Variants in MIR2052HG observed in about 807,000 individuals in gnomAD.
MIR2052HG encodes the protein MIR2052 host gene.
chr8:74,692,605 A>G (rs558764064), intron 2 of MIR2052HG, among the ~76,000 whole-genome samples: 1 of 152,348 alleles, frequency 6.6e-6, no homozygotes, highest in East Asian at 1.9e-4. Context: ...ACATTTTCCC[A>G]GGCCATTTCT....
chr8:74,640,538 A>T (rs1186489901), intron 2 of MIR2052HG, among the ~76,000 whole-genome samples: 1 of 151,946 alleles, frequency 6.6e-6, no homozygotes, highest in Admixed American at 6.6e-5. Flanking sequence ...TTCTGAAAGC[A>T]ATTCAAAGAG....
chr8:74,682,887 G>A (rs1809140828), intron 2 of MIR2052HG, among the ~76,000 whole-genome samples: 1 of 152,082 alleles, frequency 6.6e-6, no homozygotes, highest in Non-Finnish European at 1.5e-5. Flanking sequence ...AATACATTTT[G>A]AAATTATGGT....
At chr8:74,608,313 G>A (rs1808142661) in intron 1 of MIR2052HG, among the ~76,000 whole-genome samples, 1 of 152,040 alleles carries the variant, frequency 6.6e-6, no homozygotes, top group South Asian at 2.1e-4. Context: ...TAGGGAATGG[G>A]GGAAATGGAG....
At chr8:74,674,839 A>G (rs1809033754) in intron 2 of MIR2052HG, among the ~76,000 whole-genome samples, 1 of 151,898 alleles carries the variant, frequency 6.6e-6, no homozygotes, top group South Asian at 2.1e-4. Flanking sequence ...TACATACTAT[A>G]TGTTATATAT....
At chr8:74,675,849 C>A (rs1205387027) in intron 2 of MIR2052HG, among the ~76,000 whole-genome samples, 5 of 151,924 alleles carry the variant, frequency 3.3e-5, no homozygotes, top group African/African-American at 1.2e-4. Context: ...CCTACATGCG[C>A]AATCCGTCCT....
chr8:74,617,287 G>A lies in MIR2052HG; in HGVS notation n.216+4347G>A, dbSNP rs141867822. On this transcript the variant is annotated intron_variant and non_coding_transcript_variant, in intron 2 of 6. Coordinates refer to ENST00000523442, the Ensembl canonical transcript of MIR2052HG. Reference sequence around the variant, plus strand: ...TCTCCAGTATTTATTATTCTGCTCCGTATGTCCATGTGTGCCCATCATTTA... The same window carrying A: ...TCTCCAGTATTTATTATTCTGCTCCATATGTCCATGTGTGCCCATCATTTA... 8.2e-3 allele frequency among the ~76,000 whole-genome samples: 1,252 copies of A among 151,930 alleles called. 21 individuals are homozygous for A. The highest frequency in any genetic ancestry group is 0.035 in the Admixed American group (530 of 15,242).
chr8:74,677,261 TCTTTC>T (rs1159091128), intron 2 of MIR2052HG, among the ~76,000 whole-genome samples: 1 of 152,024 alleles, frequency 6.6e-6, no homozygotes, highest in African/African-American at 2.4e-5. Context: ...TTAATACACC[TCTTTC>T]CTTTCAAAGG....
chr8:74,676,407 G>A (rs552511490), intron 2 of MIR2052HG, among the ~76,000 whole-genome samples: 1 of 151,860 alleles, frequency 6.6e-6, no homozygotes, highest in Admixed American at 6.6e-5. Flanking sequence ...TTGCTCAGGA[G>A]GAAAATTGCA....
At chr8:74,732,095 A>G (rs1809698420) in intron 4 of MIR2052HG, among the ~76,000 whole-genome samples, 1 of 152,182 alleles carries the variant, frequency 6.6e-6, no homozygotes, top group South Asian at 2.1e-4. Context: ...CTGCATCTGT[A>G]GCTTCAACCA....
At chr8:74,680,022 C>T (rs777237622) in intron 2 of MIR2052HG, among the ~76,000 whole-genome samples, 7 of 152,066 alleles carry the variant, frequency 4.6e-5, no homozygotes, top group South Asian at 2.1e-4. Flanking sequence ...TCATTATTCA[C>T]GGATCATATT....
At chr8:74,677,842 A>G (rs1221509072) in intron 2 of MIR2052HG, among the ~76,000 whole-genome samples, 1 of 152,158 alleles carries the variant, frequency 6.6e-6, no homozygotes, top group Non-Finnish European at 1.5e-5. Flanking sequence ...AAATTTATAA[A>G]CTAGCAAGGG....
chr8:74,603,635 G>A, intron 1 of MIR2052HG: 1 of 1,355,504 alleles, frequency 7.4e-7, no homozygotes, highest in Non-Finnish European at 1.1e-6. Flanking sequence ...TCTGGCTGTG[G>A]AATGGCAAAC....
At chr8:74,745,581 C>G (rs1281684523) in intron 4 of MIR2052HG, among the ~76,000 whole-genome samples, 1 of 151,262 alleles carries the variant, frequency 6.6e-6, no homozygotes, top group African/African-American at 2.4e-5. Flanking sequence ...TTTTTTTTCA[C>G]TGTAAATAGG....
chr8:74,605,175 T>G (rs1808093387), intron 1 of MIR2052HG, among the ~76,000 whole-genome samples: 1 of 152,186 alleles, frequency 6.6e-6, no homozygotes, highest in Non-Finnish European at 1.5e-5. Context: ...TCATCAAAGA[T>G]GCAGAGTCTG....
At chr8:74,711,413 G>T (rs1563537364) in intron 4 of MIR2052HG, among the ~76,000 whole-genome samples, 1 of 152,164 alleles carries the variant, frequency 6.6e-6, no homozygotes, top group African/African-American at 2.4e-5. Flanking sequence ...CTGAATGAAT[G>T]AATAGAATTT....
At chr8:74,755,473 A>G (rs1809989776) in intron 5 of MIR2052HG, among the ~76,000 whole-genome samples, 1 of 152,258 alleles carries the variant, frequency 6.6e-6, no homozygotes, top group Non-Finnish European at 1.5e-5. Context: ...TTTGGTAATG[A>G]GCCAGCAGGC....
intron 2 of MIR2052HG, among the ~76,000 whole-genome samples, chr8:74,657,339 A>G (rs1265886036): frequency 6.6e-6 from 1 of 152,202 alleles, no homozygotes; most frequent in African/African-American, 2.4e-5. Context: ...GTTTATTACA[A>G]TAAACCACTT....
chr8:74,689,423 T>C (rs551828868), intron 2 of MIR2052HG, among the ~76,000 whole-genome samples: 1 of 152,360 alleles, frequency 6.6e-6, no homozygotes, highest in East Asian at 1.9e-4. Flanking sequence ...TGTAAGTCCT[T>C]TCATTTCAGA....
chr8:74,606,035 T>TG (rs1040903825), intron 1 of MIR2052HG, among the ~76,000 whole-genome samples: 1 of 151,188 alleles, frequency 6.6e-6, no homozygotes, highest in African/African-American at 2.4e-5. Flanking sequence ...AAAGGGGAGG[T>TG]GGGGGGTCTA....
Sources: gnomAD v4.1 joint callset for allele counts (sites outside exome capture counted in the v4.1 genomes callset) on GRCh38, gnomAD v4.1.1 for gene constraint, MANE v1.5 for transcripts, NCBI Gene and HGNC (gene_info 2026-07-23, HGNC 2026-07-21) for gene names.